PEMT: variants seen among roughly 807,000 people sequenced by gnomAD.
PEMT encodes phospholipid methyltransferase.
Under a neutral mutation model 27.4 loss-of-function variants are expected in PEMT, and 23 were observed. That is an observed-to-expected ratio of 0.84 (90% CI 0.60 to 1.19). The LOEUF is 1.19. Ranked by LOEUF, PEMT falls within the 50% of genes most tolerant of loss-of-function variation. The pLI is 0.00. For synonymous variants in PEMT, 137 were observed against 139.1 expected, an observed-to-expected ratio of 0.98 and a Z score of 0.11; for missense variants, 307 against 310.1, an observed-to-expected ratio of 0.99 and a Z score of 0.07.
In PEMT at chr17:17,506,247, T is replaced by C. The variant is rs754264432; in HGVS notation, c.633A>G (p.Ile211Met). The change falls in exon 6 of 7, where the codon ATA becomes ATG. Residue 211 changes from isoleucine to methionine, a missense_variant. Ile to Met is a conservative substitution (Grantham distance 10). Transcript: ENST00000255389. ...CTCACTCTTCGTATAGGAGAGCCAC[T>C]ATGTAGGTGAGGGCCACCAGCACCG... is the stretch of plus-strand genomic sequence containing the variant. The part of the protein sequence containing the change: ...LLTVLVALTY[I>M]VALLYEEPFT... 6.3e-7 allele frequency: 1 copy of C among 1,581,568 alleles called. No individual in the cohort carries two copies. The highest frequency in any genetic ancestry group is 8.6e-7 in the Non-Finnish European group (1 of 1,162,964).
At chr17:17,578,241 C>T (rs1327646304) in intron 1 of PEMT, among the ~76,000 whole-genome samples, 1 of 151,296 alleles carries the variant, frequency 6.6e-6, no homozygotes, top group Non-Finnish European at 1.5e-5. Context: ...GCGTTCATAG[C>T]TCACTGCAAC....
chr17:17,505,801 T>C lies in PEMT; in HGVS notation c.701A>G (p.Lys234Arg). The C allele has an allele frequency of 1.2e-6, 2 of 1,611,290 alleles. No individual in the cohort carries two copies. Among genetic ancestry groups the C allele is most frequent in the South Asian group, 1.1e-5 (1 of 90,508 alleles). ...IYRQKASGSH[K>R]RS ...GCTGTTGCAGCTCAATCAGCTCCTC[T>C]TGTGGGACCCGGAGGCTTTCTGCCG... The change falls in exon 7 of 7, where the codon AAG becomes AGG. Residue 234 changes from lysine (K) to arginine (R), a missense_variant. Lys to Arg is a conservative substitution (Grantham distance 26). Transcript: ENST00000255389.
intron 2 of PEMT, among the ~76,000 whole-genome samples, chr17:17,547,782 G>A (rs1214588265): frequency 6.6e-6 from 1 of 152,146 alleles, no homozygotes; most frequent in Admixed American, 6.6e-5. Context: ...CCAAGCGCCC[G>A]TGAACTGAAA....
chr17:17,576,355 C>T (rs1418359473), intron 2 of PEMT, among the ~76,000 whole-genome samples: 2 of 152,228 alleles, frequency 1.3e-5, no homozygotes, highest in Non-Finnish European at 1.5e-5. Flanking sequence ...GCACCCATCA[C>T]GAGCTGGTGC....
intron 2 of PEMT, 125 bp downstream of exon 2, chr17:17,576,795 G>C: frequency 2.7e-6 from 2 of 749,976 alleles, no homozygotes; most frequent in Non-Finnish European, 4.7e-6. Context: ...CGACAGACAC[G>C]GGAGGGAAGA....
chr17:17,574,464 C>T (rs1193851311), intron 2 of PEMT, among the ~76,000 whole-genome samples: 2 of 151,960 alleles, frequency 1.3e-5, no homozygotes, highest in Non-Finnish European at 2.9e-5. Context: ...GGACTACAGG[C>T]GTACACCATC....
intron 2 of PEMT, chr17:17,570,711 TC>T: frequency 1.0e-6 from 1 of 985,318 alleles, no homozygotes; most frequent in African/African-American, 1.7e-5. Context: ...GGGGAAAAGT[TC>T]CATTTCCTGG....
chr17:17,572,256 C>T (rs746616551), intron 2 of PEMT, among the ~76,000 whole-genome samples: 18 of 152,232 alleles, frequency 1.2e-4, no homozygotes, highest in Non-Finnish European at 2.1e-4. Context: ...ACCTTTGTCT[C>T]TTCTCCTCTG....
intron 2 of PEMT, among the ~76,000 whole-genome samples, chr17:17,548,849 A>G (rs919076755): frequency 6.6e-6 from 1 of 152,138 alleles, no homozygotes; most frequent in Non-Finnish European, 1.5e-5. Context: ...CCGGCCGAGT[A>G]CAGGTCTTGA....
At chr17:17,566,947 T>C (rs1376971780) in intron 2 of PEMT, among the ~76,000 whole-genome samples, 1 of 152,232 alleles carries the variant, frequency 6.6e-6, no homozygotes, top group Non-Finnish European at 1.5e-5. Flanking sequence ...GTGGGAGGGA[T>C]CCCGAGAGAT....
rs60447081 is a variant in PEMT at position 17,561,944 on chromosome 17, C to A, written c.204+14976G>T. Among the ~76,000 whole-genome samples, 78 of 152,342 alleles carry A rather than the reference C, an allele frequency of 5.1e-4. No homozygotes were observed. The highest frequency in any genetic ancestry group is 1.8e-3 in the African/African-American group (76 of 41,580). ...GGGCTGTTGCGAAGTTGGCGCAGGG[C>A]ATGTGAGGGCACCCCAGGCTCCGGT... On this transcript the variant is annotated intron_variant, in intron 2 of 6. Coordinates refer to ENST00000255389, the MANE Select transcript of PEMT (RefSeq NM_148172.3). The surrounding 1 kb of genome is among the most constrained non-coding windows in gnomAD (Gnocchi z 4.5).
At chr17:17,532,655 G>A (rs1908183124) in intron 2 of PEMT, among the ~76,000 whole-genome samples, 1 of 152,168 alleles carries the variant, frequency 6.6e-6, no homozygotes, top group East Asian at 1.9e-4. Flanking sequence ...AAACTGACAA[G>A]CTGATTCTAA....
intron 2 of PEMT, among the ~76,000 whole-genome samples, chr17:17,530,425 G>C (rs747103771): frequency 2.0e-5 from 3 of 152,146 alleles, no homozygotes; most frequent in Non-Finnish European, 4.4e-5. Flanking sequence ...AACCCCGGAG[G>C]CGGAGGTTGC....
chr17:17,556,099 C>CT (rs1417268717), intron 2 of PEMT, among the ~76,000 whole-genome samples: 1 of 152,232 alleles, frequency 6.6e-6, no homozygotes, highest in African/African-American at 2.4e-5. Flanking sequence ...ACTGAAGTGG[C>CT]TGGATGGACG....
intron 2 of PEMT, 57 bp downstream of exon 2, chr17:17,576,863 G>C (rs1024119596): frequency 7.2e-7 from 1 of 1,384,528 alleles, no homozygotes; most frequent in African/African-American, 1.4e-5. Context: ...CCCTGCATGT[G>C]GGGCTCACCA....
At chr17:17,552,251 G>A (rs1909705662) in intron 2 of PEMT, among the ~76,000 whole-genome samples, 3 of 152,054 alleles carry the variant, frequency 2.0e-5, no homozygotes, top group Non-Finnish European at 4.4e-5. Flanking sequence ...GGCGGAGGTG[G>A]CAGTGAGCCG....
intron 2 of PEMT, among the ~76,000 whole-genome samples, chr17:17,569,492 G>A (rs983884263): frequency 1.3e-5 from 2 of 152,160 alleles, no homozygotes; most frequent in East Asian, 1.9e-4. Context: ...GGGTGGCCAC[G>A]CAGGGCTTGG....
Position 17,522,303 on chromosome 17 carries a change from G to A in PEMT, c.297C>T (p.Leu99=), listed in dbSNP as rs764867444. 8.7e-6 allele frequency: 14 copies of A among 1,613,568 alleles called. No homozygotes were observed. The highest frequency in any genetic ancestry group is 1.6e-4 in the Middle Eastern group (1 of 6,084). ...ACCAGTGCGAGCGCAGGAAGTTCAGGAGCAGGATGGTGACGCTTAGAGAGT... is the reference window on the plus strand; with the variant it reads ...ACCAGTGCGAGCGCAGGAAGTTCAGAAGCAGGATGGTGACGCTTAGAGAGT... ...ACYSLSVTIL[L]LNFLRSHCFT... The change falls in exon 3 of 7, where the codon CTC becomes CTT. Residue 99 remains leucine (L), a synonymous_variant. Coordinates refer to ENST00000255389, the MANE Select transcript of PEMT (RefSeq NM_148172.3).
chr17:17,530,946 G>C (rs1908044901), intron 2 of PEMT, among the ~76,000 whole-genome samples: 2 of 151,918 alleles, frequency 1.3e-5, no homozygotes, highest in African/African-American at 4.8e-5. Flanking sequence ...GGGAGGCTGA[G>C]GCAGGAGAAT....
Sources: gnomAD v4.1 joint callset for allele counts (sites outside exome capture counted in the v4.1 genomes callset) on GRCh38, gnomAD v4.1.1 for gene constraint, Gnocchi (gnomAD v3.1) non-coding constraint, MANE v1.5 for transcripts, NCBI Gene and HGNC (gene_info 2026-07-23, HGNC 2026-07-21) for gene names.